The following LYPD6 variants were observed in gnomAD, a reference collection of about 807,000 sequenced individuals.
The protein encoded by LYPD6 is ly6/PLAUR domain-containing protein 6.
Under a neutral mutation model 22.7 loss-of-function variants are expected in LYPD6, and 15 were observed. The observed-to-expected ratio is 0.66, with a 90% CI of 0.44 to 1.02. The LOEUF is 1.02. LYPD6 is among the 50% of genes least tolerant of loss of function. LYPD6 has a pLI of 0.00. For synonymous variants in LYPD6, 72 were observed against 77.5 expected (o/e 0.93, Z 0.37); for missense variants, 189 against 208.4 (o/e 0.91, Z 0.57).
intron 1 of LYPD6, among the ~76,000 whole-genome samples, chr2:149,397,824 G>A (rs767181036): frequency 6.6e-6 from 1 of 152,116 alleles, no homozygotes; most frequent in Non-Finnish European, 1.5e-5. Context: ...TTATCTAGAA[G>A]CTTTCAGGAT....
chr2:149,396,752 C>T (rs1354025515), intron 1 of LYPD6, among the ~76,000 whole-genome samples: 2 of 152,148 alleles, frequency 1.3e-5, no homozygotes, highest in African/African-American at 4.8e-5. Flanking sequence ...GTCTCAGTCT[C>T]CTTAACTGTA....
chr2:149,481,783 TTA>T, the LYPD6 span, among the ~76,000 whole-genome samples: 1 of 152,260 alleles, frequency 6.6e-6, no homozygotes, highest in African/African-American at 2.4e-5. Flanking sequence ...CTCTCATTGT[TTA>T]TGTTATGGTA....
At chr2:149,394,527 G>C (rs572103252) in intron 1 of LYPD6, among the ~76,000 whole-genome samples, 7 of 152,060 alleles carry the variant, frequency 4.6e-5, no homozygotes, top group African/African-American at 1.4e-4. Context: ...TAGTATTTTT[G>C]ATAATAAAAT....
At chr2:149,426,764 A>G (rs1378142900) in intron 1 of LYPD6, among the ~76,000 whole-genome samples, 5 of 152,212 alleles carry the variant, frequency 3.3e-5, no homozygotes, top group Admixed American at 6.5e-5. Context: ...CTTTCAGACA[A>G]TGTGGTGAGG....
chr2:149,343,413 A>G (rs1049451530), intron 1 of LYPD6, among the ~76,000 whole-genome samples: 13 of 152,236 alleles, frequency 8.5e-5, no homozygotes, highest in Admixed American at 6.5e-5. Context: ...GAGAATGACA[A>G]ACATCCATCT....
At chr2:149,479,638 C>T in the LYPD6 span, among the ~76,000 whole-genome samples, 1 of 152,124 alleles carries the variant, frequency 6.6e-6, no homozygotes, top group Non-Finnish European at 1.5e-5. Flanking sequence ...CCTCCCAGGT[C>T]TAATCTACCG....
At chr2:149,353,627 A>T (rs1172147769) in intron 1 of LYPD6, among the ~76,000 whole-genome samples, 1 of 152,186 alleles carries the variant, frequency 6.6e-6, no homozygotes, top group Non-Finnish European at 1.5e-5. Context: ...CAACTCTAGA[A>T]TTTTCACAGA....
At chr2:149,355,127 A>C (rs759384377) in intron 1 of LYPD6, among the ~76,000 whole-genome samples, 1 of 152,236 alleles carries the variant, frequency 6.6e-6, no homozygotes, top group Non-Finnish European at 1.5e-5. Context: ...GTTACATTAA[A>C]TGTTAGTCTG....
chr2:149,434,797 C>T (rs538928796), intron 1 of LYPD6, among the ~76,000 whole-genome samples: 2 of 152,218 alleles, frequency 1.3e-5, no homozygotes, highest in East Asian at 3.9e-4. Flanking sequence ...GCTCATGGTC[C>T]TATAACCTGG....
At chr2:149,425,574 C>T (rs1683172574) in intron 1 of LYPD6, among the ~76,000 whole-genome samples, 2 of 152,174 alleles carry the variant, frequency 1.3e-5, no homozygotes, top group Admixed American at 1.3e-4. Flanking sequence ...AAGGACAACG[C>T]TCTTTTATTA....
chr2:149,455,460 A>G (rs947538466), intron 3 of LYPD6, among the ~76,000 whole-genome samples: 19 of 151,908 alleles, frequency 1.3e-4, no homozygotes, highest in African/African-American at 4.4e-4. Flanking sequence ...GTATTTCACC[A>G]TGTTAGCCAG....
the LYPD6 span, among the ~76,000 whole-genome samples, chr2:149,486,196 A>G: frequency 6.6e-6 from 1 of 152,346 alleles, no homozygotes; most frequent in Admixed American, 6.5e-5. Flanking sequence ...CTAATGGGTT[A>G]AAACTTATAG....
At chr2:149,361,222 G>T (rs1681566306) in intron 1 of LYPD6, among the ~76,000 whole-genome samples, 1 of 152,172 alleles carries the variant, frequency 6.6e-6, no homozygotes, top group Non-Finnish European at 1.5e-5. Context: ...CAGGAAAAGC[G>T]TGAGACACAA....
intron 1 of LYPD6, among the ~76,000 whole-genome samples, chr2:149,402,905 A>T (rs1276077757): frequency 9.0e-6 from 1 of 111,034 alleles, no homozygotes; most frequent in African/African-American, 3.4e-5. Flanking sequence ...AACAGTCCCC[A>T]AAGTGTGATG....
At chr2:149,480,968 A>G in the LYPD6 span, among the ~76,000 whole-genome samples, 1 of 152,202 alleles carries the variant, frequency 6.6e-6, no homozygotes, top group African/African-American at 2.4e-5. Context: ...ACTTCATTGC[A>G]GCCCAGCTCC....
intron 1 of LYPD6, among the ~76,000 whole-genome samples, chr2:149,435,261 G>A (rs140267217): frequency 3.3e-5 from 5 of 152,300 alleles, no homozygotes; most frequent in African/African-American, 4.8e-5. Context: ...CCCAGTCTAT[G>A]GTATTTTGTT....
chr2:149,334,674 G>T (rs1446597891), intron 1 of LYPD6, among the ~76,000 whole-genome samples: 1 of 152,158 alleles, frequency 6.6e-6, no homozygotes, highest in African/African-American at 2.4e-5. Flanking sequence ...AGAAGGACTG[G>T]GGGCCAAGAA....
intron 1 of LYPD6, among the ~76,000 whole-genome samples, chr2:149,403,169 T>C (rs1378084760): frequency 6.6e-6 from 1 of 152,122 alleles, no homozygotes; most frequent in Admixed American, 6.6e-5. Flanking sequence ...TTTGCTATTG[T>C]GAATAGTGCC....
At chr2:149,348,460 C>G (rs773739716) in intron 1 of LYPD6, among the ~76,000 whole-genome samples, 3 of 152,188 alleles carry the variant, frequency 2.0e-5, no homozygotes, top group Non-Finnish European at 2.9e-5. Flanking sequence ...GAAGGTATCA[C>G]ATGAGCACCT....
Sources: gnomAD v4.1 joint callset for allele counts (sites outside exome capture counted in the v4.1 genomes callset) on GRCh38, gnomAD v4.1.1 for gene constraint, MANE v1.5 for transcripts, NCBI Gene and HGNC (gene_info 2026-07-23, HGNC 2026-07-21) for gene names.